Variants in ZNF569 observed in about 807,000 individuals in gnomAD.
ZNF569 encodes DNA-binding protein.
ZNF569 carries 38 observed loss-of-function variants against 56.3 expected under a neutral mutation model. That is an observed-to-expected ratio of 0.68 (90% CI 0.52 to 0.88). The LOEUF (loss-of-function observed/expected upper bound fraction) is 0.88. ZNF569 is among the 40% of genes least tolerant of loss of function. The probability of loss-of-function intolerance (pLI) is 0.00; values close to 1 mark genes in which losing one functional copy is unlikely to be tolerated. For missense variants in ZNF569, 666 were observed against 809.2 expected, an observed-to-expected ratio of 0.82 and a Z score of 2.15; for synonymous variants, 241 against 262.9, an observed-to-expected ratio of 0.92 and a Z score of 0.81.
At chr19:37,416,759 A>G (rs1207776801) in intron 5 of ZNF569, among the ~76,000 whole-genome samples, 1 of 152,226 alleles carries the variant, frequency 6.6e-6, no homozygotes, top group Non-Finnish European at 1.5e-5. Context: ...GAAATTATAG[A>G]ATTAAAAACT....
intron 3 of ZNF569, among the ~76,000 whole-genome samples, chr19:37,433,745 A>G (rs2041262645): frequency 6.6e-6 from 1 of 152,216 alleles, no homozygotes; most frequent in African/African-American, 2.4e-5. Flanking sequence ...CTAGAATAGT[A>G]TATCTGGTGA....
chr19:37,462,709 T>A (rs1042802492), intron 2 of ZNF569, among the ~76,000 whole-genome samples: 1 of 152,182 alleles, frequency 6.6e-6, no homozygotes, highest in African/African-American at 2.4e-5. Context: ...TAATTCCTCC[T>A]TACTTCCCAG....
chr19:37,414,974 T>C (rs189783238), intron 5 of ZNF569, among the ~76,000 whole-genome samples: 1 of 152,178 alleles, frequency 6.6e-6, no homozygotes, highest in Non-Finnish European at 1.5e-5. Context: ...TAACAGATTT[T>C]AAAGGACAAC....
chr19:37,445,188 G>A (rs2041472620), intron 2 of ZNF569, among the ~76,000 whole-genome samples: 1 of 152,166 alleles, frequency 6.6e-6, no homozygotes, highest in Non-Finnish European at 1.5e-5. Context: ...GCGTATGTGG[G>A]AGCTCTGTAT....
intron 2 of ZNF569, among the ~76,000 whole-genome samples, chr19:37,464,510 G>A (rs923397642): frequency 6.6e-6 from 1 of 152,068 alleles, no homozygotes; most frequent in Non-Finnish European, 1.5e-5. Flanking sequence ...CATTTTCACT[G>A]TATCTTTTCT....
In ZNF569 at chr19:37,455,297, G is replaced by A. The variant is rs928127776; in HGVS notation, c.-44+10016C>T. Reference sequence around the variant, plus strand: ...AAAGACGGAATTCAGTATACTGGAGGAACTCAACTTTAAGCTAATTGAGGA... The same window carrying A: ...AAAGACGGAATTCAGTATACTGGAGAAACTCAACTTTAAGCTAATTGAGGA... On this transcript the variant is annotated intron_variant, in intron 2 of 5. Transcript: ENST00000316950. Among the ~76,000 whole-genome samples the A allele has an allele frequency of 4.0e-4, 61 of 152,122 alleles. 1 individual carries two copies. The highest frequency in any genetic ancestry group is 1.4e-3 in the African/African-American group (59 of 41,428).
At chr19:37,423,067 GT>G (rs1377644007) in intron 5 of ZNF569, among the ~76,000 whole-genome samples, 1 of 152,144 alleles carries the variant, frequency 6.6e-6, no homozygotes, top group African/African-American at 2.4e-5. Flanking sequence ...TCAATGTGTG[GT>G]AACTTTTTAC....
chr19:37,417,197 A>G (rs80205019), intron 5 of ZNF569, among the ~76,000 whole-genome samples: 2,676 of 152,250 alleles, frequency 0.018, 97 homozygotes, highest in African/African-American at 0.061. Flanking sequence ...CAGGTTTCAG[A>G]GGGAGTATGG....
intron 2 of ZNF569, among the ~76,000 whole-genome samples, chr19:37,458,818 G>A (rs1164902981): frequency 1.3e-5 from 2 of 152,146 alleles, no homozygotes; most frequent in Non-Finnish European, 2.9e-5. Context: ...TGTAAGCAGG[G>A]AAATGCGAAC....
intron 4 of ZNF569, 110 bp downstream of exon 4, chr19:37,426,142 A>T: frequency 7.2e-7 from 1 of 1,395,662 alleles, no homozygotes. Context: ...AAGCATCCCA[A>T]GGCCAAGCTC....
Position 37,456,922 on chromosome 19 carries a change from C to T in ZNF569, c.-44+8391G>A, listed in dbSNP as rs558522618. Among the ~76,000 whole-genome samples the T allele has an allele frequency of 1.1e-3, 172 of 150,730 alleles. 1 individual carries two copies. The highest frequency in any genetic ancestry group is 4.0e-3 in the African/African-American group (166 of 41,062). ...GGCGGAGGTTGCAGTGAGTCTAGAT[C>T]GCGCCATTGCACTCCAGCCTGGGCA... On this transcript the variant is annotated intron_variant, in intron 2 of 5. Coordinates refer to ENST00000316950, the MANE Select transcript of ZNF569 (RefSeq NM_152484.3).
At chr19:37,429,028 G>C (rs2041182554) in intron 3 of ZNF569, among the ~76,000 whole-genome samples, 1 of 152,002 alleles carries the variant, frequency 6.6e-6, no homozygotes, top group Non-Finnish European at 1.5e-5. Flanking sequence ...ATAAGCCTAA[G>C]ACTGATCTTA....
chr19:37,416,035 C>T (rs961527403), intron 5 of ZNF569, among the ~76,000 whole-genome samples: 9 of 151,640 alleles, frequency 5.9e-5, no homozygotes, highest in Non-Finnish European at 1.3e-4. Flanking sequence ...GAGTTCAAGA[C>T]CAGACTGAGC....
chr19:37,464,824 G>A (rs1054768227), intron 2 of ZNF569, among the ~76,000 whole-genome samples: 7 of 151,982 alleles, frequency 4.6e-5, no homozygotes, highest in Non-Finnish European at 1.0e-4. Flanking sequence ...TTCCTCATTC[G>A]TCCTCCCATA....
chr19:37,468,697 G>A (rs2041895137), upstream of ZNF569, among the ~76,000 whole-genome samples: 1 of 152,046 alleles, frequency 6.6e-6, no homozygotes, highest in Non-Finnish European at 1.5e-5. Flanking sequence ...TAGTAGAGAC[G>A]GGGTTTCACC....
chr19:37,423,777 A>C (rs1279472670), intron 5 of ZNF569, among the ~76,000 whole-genome samples: 1 of 152,184 alleles, frequency 6.6e-6, no homozygotes, highest in Non-Finnish European at 1.5e-5. Context: ...GGAAACATGA[A>C]AAGATGCTTG....
chr19:37,439,332 A>G (rs1434716178), intron 3 of ZNF569, among the ~76,000 whole-genome samples: 1 of 152,116 alleles, frequency 6.6e-6, no homozygotes, highest in Non-Finnish European at 1.5e-5. Context: ...TGGCCTCCCA[A>G]AGTGGTGGGA....
At chr19:37,419,012 G>C (rs1290039104) in intron 5 of ZNF569, among the ~76,000 whole-genome samples, 1 of 152,112 alleles carries the variant, frequency 6.6e-6, no homozygotes, top group Non-Finnish European at 1.5e-5. Flanking sequence ...TTGTGAGATG[G>C]TATCTCATTA....
intron 2 of ZNF569, among the ~76,000 whole-genome samples, chr19:37,448,034 T>C (rs1006704323): frequency 6.6e-6 from 1 of 152,204 alleles, no homozygotes; most frequent in East Asian, 1.9e-4. Context: ...TGAGGAATAC[T>C]AGTCTGTAGT....
Sources: gnomAD v4.1 joint callset for allele counts (sites outside exome capture counted in the v4.1 genomes callset) on GRCh38, gnomAD v4.1.1 for gene constraint, MANE v1.5 for transcripts, NCBI Gene and HGNC (gene_info 2026-07-23, HGNC 2026-07-21) for gene names.